The following SH3KBP1 variants were observed in gnomAD, a reference collection of about 807,000 sequenced individuals.
SH3KBP1 encodes SH3 domain containing kinase binding protein 1.
SH3KBP1 carries 8 observed loss-of-function variants against 50.1 expected under a neutral mutation model. The observed-to-expected ratio is 0.16, with a 90% CI of 0.09 to 0.29. The LOEUF is 0.29. Ranked by LOEUF, SH3KBP1 falls within the 10% of genes least tolerant of loss-of-function variation. SH3KBP1 has a pLI of 1.00. For synonymous variants in SH3KBP1, 227 were observed against 218.6 expected (o/e 1.04, Z -0.34); for missense variants, 377 against 535.2 (o/e 0.70, Z 2.92).
chrX:19,827,654 A>C (rs4825318), intron 2 of SH3KBP1, among the ~76,000 whole-genome samples: 22,177 of 110,249 alleles, frequency 0.2, 2,281 homozygotes, highest in African/African-American at 0.39. Flanking sequence ...GTAAGGTTTT[A>C]AAAGGAAGAT....
intron 13 of SH3KBP1, among the ~76,000 whole-genome samples, chrX:19,553,905 T>A (rs1170191437): frequency 1.5e-3 from 114 of 77,874 alleles, no homozygotes; most frequent in East Asian, 0.015. Flanking sequence ...ATTATATATA[T>A]AAAATATTAT....
chrX:19,540,634 C>T (rs964222399), intron 16 of SH3KBP1, among the ~76,000 whole-genome samples: 1 of 111,444 alleles, frequency 9.0e-6, no homozygotes, highest in Non-Finnish European at 1.9e-5. Context: ...AGGGCTTCAT[C>T]GCTGTAAGTC....
chrX:19,618,398 A>AC (rs1186744780), intron 8 of SH3KBP1, among the ~76,000 whole-genome samples: 1 of 107,214 alleles, frequency 9.3e-6, no homozygotes, highest in African/African-American at 3.4e-5. Flanking sequence ...AAAAAAAAAA[A>AC]AAAAAAAAAA....
At chrX:19,780,017 A>G (rs1248115511) in intron 2 of SH3KBP1, among the ~76,000 whole-genome samples, 1 of 111,021 alleles carries the variant, frequency 9.0e-6, no homozygotes, top group Non-Finnish European at 1.9e-5. Flanking sequence ...GAATCGCCAC[A>G]CTGACTTCCA....
intron 2 of SH3KBP1, among the ~76,000 whole-genome samples, chrX:19,749,014 T>C (rs1230389499): frequency 2.7e-5 from 3 of 112,428 alleles, no homozygotes; most frequent in Non-Finnish European, 5.6e-5. Context: ...AAAGAAAACA[T>C]ACAAGTGGCT....
chrX:19,579,255 T>C (rs181605855), intron 12 of SH3KBP1, among the ~76,000 whole-genome samples: 156 of 111,904 alleles, frequency 1.4e-3, no homozygotes, highest in Admixed American at 2.4e-3. Context: ...AGCAGGCCTC[T>C]CTCCAGAGCC....
intron 2 of SH3KBP1, among the ~76,000 whole-genome samples, chrX:19,748,830 CACCCAATT>C (rs1352036294): frequency 3.6e-5 from 4 of 110,969 alleles, no homozygotes; most frequent in African/African-American, 6.6e-5. Flanking sequence ...CCCCATCATC[CACCCAATT>C]ACCCAGAGTA....
At chrX:19,765,538 T>C (rs1461346502) in intron 2 of SH3KBP1, among the ~76,000 whole-genome samples, 2 of 111,758 alleles carry the variant, frequency 1.8e-5, no homozygotes, top group Admixed American at 1.9e-4. Context: ...GCCTCCCTTT[T>C]TAAAAAAAAT....
Position 19,542,159 on chromosome X carries a change from G to A in SH3KBP1, c.1658C>T (p.Pro553Leu), listed in dbSNP as rs149464659. 2.4e-5 allele frequency: 28 copies of A among 1,189,464 alleles called. No individual in the cohort carries two copies. The highest frequency in any genetic ancestry group is 1.8e-4 in the East Asian group (6 of 33,442). Residue 553 changes from proline to leucine, a missense_variant, in exon 16 of 18, where the codon CCG (proline) becomes CTG (leucine). By Grantham distance (98) the Pro-to-Leu change is moderately conservative. Transcript: ENST00000397821. ...ACCGCCACCTGCTGCCATGGTCCCC[G>A]GCTTGGGCGGCAGGGATGCTTTGTT... is the stretch of plus-strand genomic sequence containing the variant. Reference protein sequence around the residue: ...SDNKASLPPKPGTMAAGGGGP... With the variant: ...SDNKASLPPKLGTMAAGGGGP...
chrX:19,703,105 G>A (rs2063564963), intron 4 of SH3KBP1, among the ~76,000 whole-genome samples: 1 of 111,953 alleles, frequency 8.9e-6, no homozygotes, highest in South Asian at 3.7e-4. Flanking sequence ...ACGCTTTGGA[G>A]GCTGGCTCAG....
At chrX:19,810,952 A>C (rs1207516736) in intron 2 of SH3KBP1, among the ~76,000 whole-genome samples, 1 of 112,127 alleles carries the variant, frequency 8.9e-6, no homozygotes, top group Non-Finnish European at 1.9e-5. Context: ...ATTTCTCAAC[A>C]TCTGAAACCA....
intron 7 of SH3KBP1, among the ~76,000 whole-genome samples, chrX:19,643,691 T>C (rs897834873): frequency 9.0e-6 from 1 of 111,677 alleles, no homozygotes; most frequent in Non-Finnish European, 1.9e-5. Context: ...TTTCTCATAT[T>C]CCTACTGAAT....
intron 1 of SH3KBP1, among the ~76,000 whole-genome samples, chrX:19,864,879 A>G (rs979161293): frequency 8.9e-6 from 1 of 112,270 alleles, no homozygotes; most frequent in Non-Finnish European, 1.9e-5. Flanking sequence ...CGGAGCCCAC[A>G]GCACTTTCAA....
intron 2 of SH3KBP1, among the ~76,000 whole-genome samples, chrX:19,825,574 T>C (rs747055133): frequency 9.0e-6 from 1 of 111,370 alleles, no homozygotes; most frequent in Non-Finnish European, 1.9e-5. Flanking sequence ...TTTGATGAGA[T>C]AAAAAAGCAT....
intron 6 of SH3KBP1, among the ~76,000 whole-genome samples, chrX:19,661,552 CT>C (rs772898760): frequency 0.023 from 1,528 of 66,984 alleles, 19 homozygotes; most frequent in East Asian, 0.072. Flanking sequence ...TAGCTTTTTA[CT>C]TTTTTTTTTT....
chrX:19,559,962 T>C (rs2065618844), intron 13 of SH3KBP1, among the ~76,000 whole-genome samples: 2 of 111,049 alleles, frequency 1.8e-5, no homozygotes, highest in Non-Finnish European at 3.8e-5. Flanking sequence ...TTTTAAAAGA[T>C]GAATGAGTAC....
intron 2 of SH3KBP1, among the ~76,000 whole-genome samples, chrX:19,822,652 T>C (rs1017266573): frequency 8.9e-6 from 1 of 112,539 alleles, no homozygotes; most frequent in Non-Finnish European, 1.9e-5. Context: ...TATTAATATC[T>C]GTTGATTGGC....
intron 6 of SH3KBP1, among the ~76,000 whole-genome samples, chrX:19,648,800 G>A (rs1004314382): frequency 9.0e-6 from 1 of 111,133 alleles, no homozygotes. Flanking sequence ...ATCCCTAGTT[G>A]AGAACCTCTA....
chrX:19,765,738 G>A (rs2065585029), intron 2 of SH3KBP1, among the ~76,000 whole-genome samples: 1 of 111,439 alleles, frequency 9.0e-6, no homozygotes, highest in African/African-American at 3.3e-5. Flanking sequence ...ACCAGCTCCT[G>A]GCAACCAGCA....
Sources: allele counts gnomAD v4.1 joint callset (sites outside exome capture counted in the v4.1 genomes callset), GRCh38; gene constraint gnomAD v4.1.1; transcripts MANE v1.5; gene names NCBI Gene and HGNC (gene_info 2026-07-23, HGNC 2026-07-21).